Variants in OSBPL1A observed in about 807,000 individuals in gnomAD.
OSBPL1A encodes the protein oxysterol-binding protein-related protein 1.
In OSBPL1A, 80 loss-of-function variants were observed where a neutral mutation model predicts 137.1. The observed-to-expected ratio is 0.58, with a 90% CI of 0.49 to 0.70. OSBPL1A has a LOEUF of 0.70. Among genes scored for constraint, OSBPL1A ranks in the 30% least tolerant of loss-of-function variants. OSBPL1A has a pLI of 0.00. For synonymous variants in OSBPL1A, 365 were observed against 389.7 expected, an observed-to-expected ratio of 0.94 and a Z score of 0.75; for missense variants, 970 against 1,129.4, an observed-to-expected ratio of 0.86 and a Z score of 2.02.
rs191416703 is a variant in OSBPL1A, at chr18:24,337,489, T to G, written c.395-3159A>C. Among the ~76,000 whole-genome samples the G allele has an allele frequency of 1.2e-4, 18 of 150,738 alleles. No individual in the cohort carries two copies. In the Admixed American group the frequency reaches 1.2e-3, roughly 10 times the overall value. Reference sequence around the variant, plus strand: ...GGGAGGCTGAGGCAGAAGAGTCGCTTGAGCCCATGAATGCAAGGCTTCAGT... The same window carrying G: ...GGGAGGCTGAGGCAGAAGAGTCGCTGGAGCCCATGAATGCAAGGCTTCAGT... On this transcript the variant is annotated intron_variant, in intron 5 of 27. Coordinates refer to ENST00000319481, the MANE Select transcript of OSBPL1A (RefSeq NM_080597.4).
At chr18:24,213,343 G>GTA (rs1567949769) in intron 17 of OSBPL1A, among the ~76,000 whole-genome samples, 1 of 152,126 alleles carries the variant, frequency 6.6e-6, no homozygotes, top group Admixed American at 6.6e-5. Context: ...CGAGGCAGGC[G>GTA]GATCACTTGA....
intron 1 of OSBPL1A, among the ~76,000 whole-genome samples, chr18:24,377,801 C>T (rs771329568): frequency 4.6e-5 from 7 of 152,100 alleles, no homozygotes; most frequent in Admixed American, 6.5e-5. Context: ...TACAACCAAC[C>T]GCATAAGCTG....
At chr18:24,170,566 T>G in intron 23 of OSBPL1A, 113 bp from the exon 24 acceptor site, 1 of 1,194,822 alleles carries the variant, frequency 8.4e-7, no homozygotes, top group East Asian at 2.4e-5. Context: ...GGCCTGACCC[T>G]GCTTAGCTTC....
At chr18:24,233,928 C>T (rs937679753) in intron 16 of OSBPL1A, among the ~76,000 whole-genome samples, 2 of 152,164 alleles carry the variant, frequency 1.3e-5, no homozygotes, top group African/African-American at 2.4e-5. Flanking sequence ...GCTGGAATTA[C>T]AGGTGTGAGC....
In OSBPL1A at chr18:24,290,544, G is replaced by A. The variant is rs79912403; in HGVS notation, c.1175-9596C>T. Among the ~76,000 whole-genome samples the A allele has an allele frequency of 9.1e-3, 1,392 of 152,188 alleles. 12 individuals carry two copies. Among genetic ancestry groups the A allele is most frequent in the Middle Eastern group, 0.054 (16 of 294 alleles). ...AAAAATACAAAAGTATTACCCAGAC[G>A]TGGCAGTGTGTGCTTGTAGTCCCAG... On this transcript the variant is annotated intron_variant, in intron 14 of 27. Transcript: ENST00000319481.
At chr18:24,294,575 C>G (rs1157602958) in intron 14 of OSBPL1A, among the ~76,000 whole-genome samples, 1 of 126,860 alleles carries the variant, frequency 7.9e-6, no homozygotes, top group Admixed American at 7.3e-5. Flanking sequence ...TCTTTCCTTC[C>G]CAGTCCATAA....
rs932076204 is a variant in OSBPL1A, at chr18:24,179,739, G to A, written c.1909C>T (p.Arg637Ter). Residue 637 changes from arginine to a stop codon, truncating the protein, a stop_gained and splice_region_variant, in exon 20 of 28, where the codon CGA becomes TGA. Coordinates refer to ENST00000319481, the MANE Select transcript of OSBPL1A (RefSeq NM_080597.4). LOFTEE classifies it high-confidence loss of function. The stretch of plus-strand genomic sequence containing the variant: ...AAGCATGCAAGTGAAAGGCCTCACC[G>A]CACTAATTCATAAGTCTCTCCCAGC... ...PLLGETYELV[R>*]DDLGFRLISE... 1.2e-6 allele frequency: 2 copies of A among 1,613,218 alleles called. No homozygotes were observed. Among genetic ancestry groups the A allele is most frequent in the South Asian group, 1.1e-5 (1 of 91,038 alleles).
intron 18 of OSBPL1A, among the ~76,000 whole-genome samples, chr18:24,195,358 G>T (rs2086998595): frequency 1.3e-5 from 2 of 152,256 alleles, no homozygotes; most frequent in South Asian, 4.1e-4. Flanking sequence ...GCCAAAGTGG[G>T]TATCTCTGCA....
At position 24,300,348 on chromosome 18, in the gene OSBPL1A, C is replaced by G. The variant is rs544550309; in HGVS notation, c.1174+3289G>C. ...TAGGCTGTGGCCAGACTATGAAAAT[C>G]TTTAAATGCCCAGATAAGTCTGCAT... On this transcript the variant is annotated intron_variant, in intron 14 of 27. Coordinates refer to ENST00000319481, the MANE Select transcript of OSBPL1A (RefSeq NM_080597.4). 1.6e-3 allele frequency among the ~76,000 whole-genome samples: 237 copies of G among 152,328 alleles called. 1 individual carries two copies. The highest frequency in any genetic ancestry group is 5.2e-3 in the African/African-American group (218 of 41,576).
chr18:24,332,204 C>T (rs2091091213), intron 7 of OSBPL1A, among the ~76,000 whole-genome samples: 2 of 151,412 alleles, frequency 1.3e-5, no homozygotes, highest in Admixed American at 6.6e-5. Flanking sequence ...GGTGAAACCC[C>T]ATCTCTACTA....
At chr18:24,183,380 G>T (rs1212282829) in intron 18 of OSBPL1A, among the ~76,000 whole-genome samples, 1 of 151,622 alleles carries the variant, frequency 6.6e-6, no homozygotes, top group Non-Finnish European at 1.5e-5. Context: ...ACACACATAT[G>T]CATACATACT....
At chr18:24,279,369 C>G (rs900703334) in intron 15 of OSBPL1A, among the ~76,000 whole-genome samples, 1 of 151,760 alleles carries the variant, frequency 6.6e-6, no homozygotes, top group African/African-American at 2.4e-5. Context: ...GCTGAGGCTG[C>G]AGTGAGCCAT....
At chr18:24,194,814 T>A (rs775690100) in intron 18 of OSBPL1A, among the ~76,000 whole-genome samples, 4 of 152,180 alleles carry the variant, frequency 2.6e-5, no homozygotes, top group Non-Finnish European at 5.9e-5. Flanking sequence ...TTGCTTGGGG[T>A]CTCACAGCCA....
rs1464887361 is a variant in OSBPL1A, at chr18:24,162,792, A to C, written c.*387T>G. ...TCAAAGGTTACATCTAAAACATTCA[A>C]GCATGACAGCATAAAAATATTCAAA... is the stretch of plus-strand genomic sequence containing the variant. On this transcript the variant is annotated 3_prime_UTR_variant, in exon 28 of 28. Transcript: ENST00000319481. The C allele has an allele frequency of 5.9e-6, 1 of 168,804 alleles. No homozygotes were observed. The highest frequency in any genetic ancestry group is 1.3e-5 in the Non-Finnish European group (1 of 79,282). 10.5% of individuals were successfully genotyped at this position (168,804 alleles called of 1,614,324 possible). A position where few individuals can be genotyped will look rare whatever the true frequency, so the allele number is the denominator to read the frequency against.
In OSBPL1A at chr18:24,172,454, G is replaced by C; in HGVS notation, c.2123C>G (p.Pro708Arg). 1 of 1,613,772 alleles carries C rather than the reference G, an allele frequency of 6.2e-7. No homozygotes were observed. The highest frequency in any genetic ancestry group is 8.5e-7 in the Non-Finnish European group (1 of 1,179,834). Residue 708 changes from proline to arginine, a missense_variant, in exon 22 of 28, where the codon CCC (proline) becomes CGC (arginine). By Grantham distance (103) the Pro-to-Arg change is moderately radical (BLOSUM62 -2). Transcript: ENST00000319481. The stretch of plus-strand genomic sequence containing the variant: ...AATGATATTATGCACACAGCAGGTG[G>C]GATTTGTCCATGTATATGCCTCATT... ...EHNEAYTWTN[P>R]TCCVHNIIVG...
chr18:24,223,490 A>C (rs1279236968), intron 17 of OSBPL1A, among the ~76,000 whole-genome samples: 1 of 152,096 alleles, frequency 6.6e-6, no homozygotes, highest in East Asian at 1.9e-4. Context: ...TTTATCAGTT[A>C]CACTTTTCTG....
At position 24,171,443 on chromosome 18, in the gene OSBPL1A, A is replaced by G; in HGVS notation, c.2257T>C (p.Leu753=). The change falls in exon 23 of 28, where the codon TTA becomes CTA. Residue 753 remains leucine (L), a synonymous_variant. Coordinates refer to ENST00000319481, the MANE Select transcript of OSBPL1A (RefSeq NM_080597.4). ...TGAATGTAGCCTTCAACTTTGTGTAATTCCTTACCAAAAAGGCCACATGGC... is the reference window on the plus strand; with the variant it reads ...TGAATGTAGCCTTCAACTTTGTGTAGTTCCTTACCAAAAAGGCCACATGGC... ...FKPCGLFGKE[L]HKVEGYIQDK... is the part of the protein sequence containing the mutation. 6.2e-7 allele frequency: 1 copy of G among 1,613,928 alleles called. No homozygotes were observed. Among genetic ancestry groups the G allele is most frequent in the South Asian group, 1.1e-5 (1 of 91,016 alleles).
intron 21 of OSBPL1A, among the ~76,000 whole-genome samples, chr18:24,175,116 A>ACATATATATATATATACG (rs2086403007): frequency 3.1e-5 from 1 of 32,786 alleles, no homozygotes; most frequent in African/African-American, 6.1e-5. Context: ...ATGTATATAT[A>ACATATATATATATATACG]TATATATATA....
intron 15 of OSBPL1A, among the ~76,000 whole-genome samples, chr18:24,267,728 C>A (rs893470712): frequency 1.3e-5 from 2 of 151,962 alleles, no homozygotes; most frequent in African/African-American, 4.8e-5. Context: ...AACTCAACAC[C>A]CTTTAATGAT....
Sources: allele counts gnomAD v4.1 joint callset (sites outside exome capture counted in the v4.1 genomes callset), GRCh38; gene constraint gnomAD v4.1.1; transcripts MANE v1.5; gene names NCBI Gene and HGNC (gene_info 2026-07-23, HGNC 2026-07-21).